FAT3: variants seen among roughly 807,000 people sequenced by gnomAD.
FAT3 encodes the protein protocadherin Fat 3.
Under a neutral mutation model 310.2 loss-of-function variants are expected in FAT3, and 95 were observed. The observed-to-expected ratio is 0.31, with a 90% CI of 0.26 to 0.36. FAT3 has a LOEUF of 0.36. Among genes scored for constraint, FAT3 ranks in the 10% least tolerant of loss-of-function variants. FAT3 has a pLI of 1.00. For missense variants in FAT3, 5,408 were observed against 5,715.6 expected, an observed-to-expected ratio of 0.95 and a Z score of 1.74; for synonymous variants, 2,314 against 2,192.9, an observed-to-expected ratio of 1.06 and a Z score of -1.54.
At chr11:92,506,749 G>C (rs1953112676) in intron 2 of FAT3, among the ~76,000 whole-genome samples, 1 of 152,126 alleles carries the variant, frequency 6.6e-6, no homozygotes, top group Admixed American at 6.6e-5. Flanking sequence ...TCCCCGGCTT[G>C]AAGAAACTGC....
chr11:92,566,455 T>C (rs1416057370), intron 3 of FAT3, among the ~76,000 whole-genome samples: 2 of 151,900 alleles, frequency 1.3e-5, no homozygotes, highest in Admixed American at 6.6e-5. Context: ...AAAATGGCCA[T>C]ACTGCCCAAG....
intron 1 of FAT3, among the ~76,000 whole-genome samples, chr11:92,262,077 G>A (rs961696911): frequency 6.6e-6 from 1 of 151,800 alleles, no homozygotes; most frequent in Non-Finnish European, 1.5e-5. Flanking sequence ...CATATTAGAA[G>A]AGGCTACCAT....
At chr11:92,779,598 C>T (rs1454647535) in intron 7 of FAT3, among the ~76,000 whole-genome samples, 2 of 152,144 alleles carry the variant, frequency 1.3e-5, no homozygotes, top group Non-Finnish European at 2.9e-5. Context: ...TACAGTTACT[C>T]AGTGAAGCAG....
chr11:92,882,519 C>T (rs928123315), intron 23 of FAT3, among the ~76,000 whole-genome samples: 3 of 146,984 alleles, frequency 2.0e-5, no homozygotes, highest in African/African-American at 7.6e-5. Context: ...TTGGGAGGAA[C>T]ACCTTAAGGC....
intron 1 of FAT3, among the ~76,000 whole-genome samples, chr11:92,347,417 A>G (rs1470870751): frequency 1.3e-5 from 2 of 152,190 alleles, no homozygotes; most frequent in Non-Finnish European, 2.9e-5. Flanking sequence ...AAAGATAGGA[A>G]GAGAGGGAAT....
At chr11:92,869,303 T>G (rs1259437587) in intron 22 of FAT3, among the ~76,000 whole-genome samples, 3 of 152,168 alleles carry the variant, frequency 2.0e-5, no homozygotes, top group Non-Finnish European at 4.4e-5. Flanking sequence ...AGCCAATGGG[T>G]TCTTATCTCA....
At chr11:92,341,209 G>C (rs1473844854) in intron 1 of FAT3, among the ~76,000 whole-genome samples, 1 of 152,342 alleles carries the variant, frequency 6.6e-6, no homozygotes, top group East Asian at 1.9e-4. Context: ...TCCCGTCCCT[G>C]TAAGAAAATA....
intron 13 of FAT3, among the ~76,000 whole-genome samples, chr11:92,811,395 C>A (rs1202449527): frequency 6.6e-6 from 1 of 151,790 alleles, no homozygotes. Flanking sequence ...TCTCCACACT[C>A]CATGAAGGAA....
At chr11:92,849,026 C>T (rs570771699) in intron 19 of FAT3, among the ~76,000 whole-genome samples, 9 of 152,268 alleles carry the variant, frequency 5.9e-5, no homozygotes, top group South Asian at 2.1e-4. Context: ...ATGACCAGTT[C>T]GCATGCTGTT....
At chr11:92,603,775 G>T (rs911852509) in intron 3 of FAT3, among the ~76,000 whole-genome samples, 10 of 152,148 alleles carry the variant, frequency 6.6e-5, no homozygotes, top group African/African-American at 2.4e-4. Context: ...ACTAGCATTG[G>T]AAATATAGTA....
intron 1 of FAT3, among the ~76,000 whole-genome samples, chr11:92,293,390 T>C (rs1263750071): frequency 1.3e-5 from 2 of 151,336 alleles, no homozygotes; most frequent in Admixed American, 1.3e-4. Context: ...AGTATAAAAG[T>C]AATTCAATTA....
intron 3 of FAT3, among the ~76,000 whole-genome samples, chr11:92,659,672 G>T (rs1336128824): frequency 6.6e-6 from 1 of 152,192 alleles, no homozygotes; most frequent in Non-Finnish European, 1.5e-5. Flanking sequence ...CCTAGGTTCA[G>T]ACCCTCTAGA....
At chr11:92,446,085 C>G (rs1387923116) in intron 2 of FAT3, among the ~76,000 whole-genome samples, 1 of 150,764 alleles carries the variant, frequency 6.6e-6, no homozygotes, top group Non-Finnish European at 1.5e-5. Flanking sequence ...AATATATATG[C>G]AATATTTCAT....
intron 2 of FAT3, among the ~76,000 whole-genome samples, chr11:92,361,924 G>T (rs1335729635): frequency 2.6e-5 from 4 of 152,258 alleles, no homozygotes; most frequent in Non-Finnish European, 5.9e-5. Context: ...AAGAGATGAT[G>T]CTGGTAACAG....
At chr11:92,403,883 A>T (rs548472158) in intron 2 of FAT3, among the ~76,000 whole-genome samples, 14 of 152,216 alleles carry the variant, frequency 9.2e-5, no homozygotes, top group African/African-American at 2.9e-4. Context: ...AAAAATACAA[A>T]ATATTAGCTG....
At chr11:92,819,330 C>T (rs1019578000) in intron 13 of FAT3, among the ~76,000 whole-genome samples, 1 of 152,186 alleles carries the variant, frequency 6.6e-6, no homozygotes, top group Non-Finnish European at 1.5e-5. Context: ...ATCAGTGGTT[C>T]TCAAACTTCA....
At position 92,671,801 on chromosome 11, in the gene FAT3, G is replaced by GGAAT. The variant is rs144815269; in HGVS notation, c.3608-25565_3608-25562dup. Among the ~76,000 whole-genome samples the GGAAT allele has an allele frequency of 9.5e-3, 1,446 of 152,134 alleles. 15 individuals carry two copies. Among genetic ancestry groups the GGAAT allele is most frequent in the Non-Finnish European group, 0.014 (967 of 68,000 alleles). ...AGTAGTGGCTTATTAAATAACTTCTGGAATGAATGAATGAATGAATGTGGC... is the reference window on the plus strand; with the variant it reads ...AGTAGTGGCTTATTAAATAACTTCTGGAATGAATGAATGAATGAATGAATGTGGC... On this transcript the variant is annotated intron_variant, in intron 3 of 27. Coordinates refer to ENST00000525166, the MANE Select transcript of FAT3 (RefSeq NM_001367949.2).
chr11:92,782,405 AG>A (rs1565589649), intron 7 of FAT3, among the ~76,000 whole-genome samples: 1 of 152,052 alleles, frequency 6.6e-6, no homozygotes, highest in African/African-American at 2.4e-5. Context: ...AGACCAGCCC[AG>A]TATTTACAAA....
At chr11:92,478,962 C>CTTTCTTTCTTTCTTTCTTTCTTTCTTTG (rs1952135146) in intron 2 of FAT3, among the ~76,000 whole-genome samples, 1 of 63,308 alleles carries the variant, frequency 1.6e-5, no homozygotes, top group Non-Finnish European at 3.3e-5. Context: ...CTTTTCTTTT[C>CTTTCTTTCTTTCTTTCTTTCTTTCTTTG]TTTTCTTTTC....
Sources: gnomAD v4.1 joint callset for allele counts (sites outside exome capture counted in the v4.1 genomes callset) on GRCh38, gnomAD v4.1.1 for gene constraint, MANE v1.5 for transcripts, NCBI Gene and HGNC (gene_info 2026-07-23, HGNC 2026-07-21) for gene names.